The following PRAG1 variants were observed in gnomAD, a reference collection of about 807,000 sequenced individuals.
The protein encoded by PRAG1 is inactive tyrosine-protein kinase PRAG1.
A neutral mutation model predicts 95.6 loss-of-function variants in PRAG1; 110 were observed. The ratio of observed to expected loss-of-function variants is 1.15; its 90% CI spans 0.99 to 1.35. PRAG1 has a LOEUF of 1.35. Among genes scored for constraint, PRAG1 ranks in the 40% most tolerant of loss-of-function variants. The pLI is 0.00. For missense variants in PRAG1, 2,554 were observed against 1,864.7 expected (o/e 1.37, Z -6.81); for synonymous variants, 1,052 against 819.4 (o/e 1.28, Z -4.85).
intron 2 of PRAG1, among the ~76,000 whole-genome samples, chr8:8,380,324 C>T (rs150612966): frequency 0.013 from 1,909 of 152,084 alleles, 14 homozygotes; most frequent in Non-Finnish European, 0.017. Context: ...ATAGGCCAGG[C>T]GCGGTGGCTC....
chr8:8,357,631 A>C (rs1799722598), intron 3 of PRAG1, among the ~76,000 whole-genome samples: 1 of 152,214 alleles, frequency 6.6e-6, no homozygotes, highest in Non-Finnish European at 1.5e-5. Context: ...ACAGTAAGGC[A>C]GTTCCTCAAA....
rs1798338547 is a variant in PRAG1 at position 8,318,205 on chromosome 8, A to C, written c.4170T>G (p.Ser1390=). The C allele has an allele frequency of 1.6e-5, 26 of 1,614,128 alleles. No individual in the cohort carries two copies. The highest frequency in any genetic ancestry group is 2.2e-5 in the Non-Finnish European group (26 of 1,180,012). Residue 1390 remains serine, a synonymous_variant, in exon 6 of 6, where the codon TCT becomes TCG. Coordinates refer to ENST00000615670, the MANE Select transcript of PRAG1 (RefSeq NM_001080826.3). This position sits in a 1 kb window ranked among gnomAD's most constrained non-coding sequence, Gnocchi z 4.2. The part of the protein sequence containing the change: ...EDWLCCQYLA[S]AEPGALLQSL... ...ACTGTAAGAGGGCCCCGGGCTCCGCAGACGCCAGGTACTGGCAGCAAAGCC... is the reference window on the plus strand; with the variant it reads ...ACTGTAAGAGGGCCCCGGGCTCCGCCGACGCCAGGTACTGGCAGCAAAGCC...
At chr8:8,381,292 C>A (rs1800634280) in intron 2 of PRAG1, 126 bp downstream of exon 2, 3 of 892,414 alleles carry the variant, frequency 3.4e-6, no homozygotes, top group Non-Finnish European at 5.0e-6. Context: ...CATCTCAGGG[C>A]AAACTGACAG....
In PRAG1 at chr8:8,367,458, C is replaced by CAAAAAAA. The variant is rs1158165514; in HGVS notation, c.2162+8782_2162+8788dup. On this transcript the variant is annotated intron_variant, in intron 3 of 5. Coordinates refer to ENST00000615670, the MANE Select transcript of PRAG1 (RefSeq NM_001080826.3). ...AGGTGAAAGGAGCAAGACTCCATCT[C>CAAAAAAA]AAAAAAAAAAAAAAAAAAAAAAAAA... Among the ~76,000 whole-genome samples the CAAAAAAA allele has an allele frequency of 3.4e-4, 9 of 26,250 alleles. 1 individual carries two copies. Among genetic ancestry groups the CAAAAAAA allele is most frequent in the Non-Finnish European group, 5.1e-4 (8 of 15,726 alleles). 17.2% of individuals were successfully genotyped at this position (26,250 alleles called of 152,430 possible). A position where few individuals can be genotyped will look rare whatever the true frequency, so the allele number is the denominator to read the frequency against.
intron 5 of PRAG1, among the ~76,000 whole-genome samples, chr8:8,326,402 G>C (rs1250795403): frequency 6.6e-6 from 1 of 152,030 alleles, no homozygotes; most frequent in East Asian, 1.9e-4. Flanking sequence ...AAAAAAAAGC[G>C]ATGTCTTAGG....
At chr8:8,323,885 G>C (rs1367603373) in intron 5 of PRAG1, among the ~76,000 whole-genome samples, 1 of 152,174 alleles carries the variant, frequency 6.6e-6, no homozygotes, top group Non-Finnish European at 1.5e-5. Flanking sequence ...TTCGAGTATT[G>C]ATTTTGGAAT....
chr8:8,319,007 C>T lies in PRAG1; in HGVS notation c.3368G>A (p.Cys1123Tyr). The change falls in exon 6 of 6, where the codon TGC becomes TAC. Residue 1123 changes from cysteine (C) to tyrosine (Y), a missense_variant. Physicochemically the swap from Cys to Tyr is radical, Grantham distance 194. Transcript: ENST00000615670. ...AEPEAYERRV[C>Y]FLLLQLCNGL... ...GTTGCAGAGTTGCAGAAGCAGGAAG[C>T]ACACGCGCCGCTCGTACGCCTCGGG... 4 of 1,613,428 alleles carry T rather than the reference C, an allele frequency of 2.5e-6. No homozygotes were observed. Among genetic ancestry groups the T allele is most frequent in the Non-Finnish European group, 3.4e-6 (4 of 1,179,814 alleles).
chr8:8,322,966 C>T (rs543304943), intron 5 of PRAG1, among the ~76,000 whole-genome samples: 1 of 152,248 alleles, frequency 6.6e-6, no homozygotes, highest in South Asian at 2.1e-4. Context: ...GTGTCATGGG[C>T]CATAGGTGAC....
At chr8:8,358,464 G>T (rs935490595) in intron 3 of PRAG1, among the ~76,000 whole-genome samples, 12 of 152,152 alleles carry the variant, frequency 7.9e-5, no homozygotes, top group Admixed American at 3.3e-4. Flanking sequence ...GGGTTGGAGT[G>T]GGACTGAAAG....
At chr8:8,354,658 A>C (rs1247778890) in intron 3 of PRAG1, among the ~76,000 whole-genome samples, 1 of 152,234 alleles carries the variant, frequency 6.6e-6, no homozygotes, top group Non-Finnish European at 1.5e-5. Flanking sequence ...ATGTCACATT[A>C]ACAGAATGAA....
chr8:8,355,268 A>G (rs532173657), intron 3 of PRAG1, among the ~76,000 whole-genome samples: 3 of 152,224 alleles, frequency 2.0e-5, no homozygotes, highest in Non-Finnish European at 4.4e-5. Flanking sequence ...TGAAGAGGAC[A>G]TAATTAAATG....
At chr8:8,365,797 T>TATAA (rs945857697) in intron 3 of PRAG1, among the ~76,000 whole-genome samples, 1 of 150,472 alleles carries the variant, frequency 6.6e-6, no homozygotes, top group Admixed American at 6.6e-5. Flanking sequence ...ACCCTATATA[T>TATAA]ATATATATAC....
chr8:8,385,037 T>A (rs1338792721), intron 1 of PRAG1, among the ~76,000 whole-genome samples: 1 of 152,210 alleles, frequency 6.6e-6, no homozygotes, highest in Non-Finnish European at 1.5e-5. Context: ...GGTGGCCAGA[T>A]CTTTAAGATT....
intron 5 of PRAG1, 69 bp from the exon 6 acceptor site, chr8:8,319,371 C>A: frequency 7.5e-7 from 1 of 1,337,248 alleles, no homozygotes. Flanking sequence ...AGTGTGGAAA[C>A]ATTTGAGTAT....
chr8:8,372,554 C>T (rs905980290), intron 3 of PRAG1, among the ~76,000 whole-genome samples: 1 of 152,220 alleles, frequency 6.6e-6, no homozygotes, highest in African/African-American at 2.4e-5. Flanking sequence ...CCAGGCCTTG[C>T]CGTACCCGCC....
intron 5 of PRAG1, 75 bp from the exon 6 acceptor site, chr8:8,319,377 A>T (rs1286507354): frequency 7.8e-7 from 1 of 1,285,890 alleles, no homozygotes; most frequent in African/African-American, 1.5e-5. Context: ...GAAACATTTG[A>T]GTATCTACGT....
intron 3 of PRAG1, among the ~76,000 whole-genome samples, chr8:8,345,340 AAG>A (rs1470733679): frequency 6.7e-6 from 1 of 149,480 alleles, no homozygotes; most frequent in Non-Finnish European, 1.5e-5. Context: ...ATACCAGCCT[AAG>A]CAACATAGTG....
chr8:8,361,881 A>G (rs1256290358), intron 3 of PRAG1, among the ~76,000 whole-genome samples: 1 of 152,200 alleles, frequency 6.6e-6, no homozygotes, highest in African/African-American at 2.4e-5. Context: ...TCTTTAACAT[A>G]AACCCTAAAG....
intron 3 of PRAG1, among the ~76,000 whole-genome samples, chr8:8,370,498 G>T (rs1209563888): frequency 6.6e-6 from 1 of 152,166 alleles, no homozygotes; most frequent in Non-Finnish European, 1.5e-5. Flanking sequence ...AATACAAACT[G>T]TGATTTTCAA....
Sources: gnomAD v4.1 joint callset for allele counts (sites outside exome capture counted in the v4.1 genomes callset) on GRCh38, gnomAD v4.1.1 for gene constraint, Gnocchi (gnomAD v3.1) non-coding constraint, MANE v1.5 for transcripts, NCBI Gene and HGNC (gene_info 2026-07-23, HGNC 2026-07-21) for gene names.